The following GABRR2 variants were observed in gnomAD, a reference collection of about 807,000 sequenced individuals.
GABRR2 encodes gamma-aminobutyric acid type A receptor subunit rho2, also known as gamma-aminobutyric acid receptor subunit rho-2.
Under a neutral mutation model 47.0 loss-of-function variants are expected in GABRR2, and 36 were observed. The ratio of observed to expected loss-of-function variants is 0.77; its 90% CI spans 0.59 to 1.01. The LOEUF is 1.01. Ranked by LOEUF, GABRR2 falls within the 50% of genes least tolerant of loss-of-function variation. The pLI is 0.00. For synonymous variants in GABRR2, 204 were observed against 227.5 expected, an observed-to-expected ratio of 0.90 and a Z score of 0.93; for missense variants, 587 against 594.6, an observed-to-expected ratio of 0.99 and a Z score of 0.13.
intron 2 of GABRR2, among the ~76,000 whole-genome samples, chr6:89,295,607 G>T (rs56142157): frequency 6.6e-6 from 1 of 151,958 alleles, no homozygotes; most frequent in African/African-American, 2.4e-5. Flanking sequence ...AGTTTCTTTC[G>T]CTGTGCAGAA....
intron 1 of GABRR2, among the ~76,000 whole-genome samples, chr6:89,306,180 C>A (rs2127849770): frequency 6.6e-6 from 1 of 150,516 alleles, no homozygotes; most frequent in South Asian, 2.1e-4. Flanking sequence ...AGTTTGAGAC[C>A]AGCCTGGGCA....
intron 7 of GABRR2, 76 bp downstream of exon 7, chr6:89,265,537 G>T: frequency 6.7e-7 from 1 of 1,485,206 alleles, no homozygotes; most frequent in South Asian, 1.4e-5. Flanking sequence ...TCTAAGTAAT[G>T]ATTTTTACTT....
chr6:89,302,482 A>C, intron 1 of GABRR2: 1 of 656,608 alleles, frequency 1.5e-6, no homozygotes, highest in South Asian at 1.4e-5. Context: ...GAGCAGGATC[A>C]CTACCTCCTT....
intron 1 of GABRR2, chr6:89,303,050 C>T (rs1229951968): frequency 9.9e-7 from 1 of 1,007,872 alleles, no homozygotes; most frequent in Non-Finnish European, 1.5e-6. Flanking sequence ...GACTCCATGG[C>T]CCAGGAGGAG....
At chr6:89,267,514 C>G (rs1773926670) in intron 6 of GABRR2, among the ~76,000 whole-genome samples, 165 bp downstream of exon 6, 1 of 152,218 alleles carries the variant, frequency 6.6e-6, no homozygotes, top group African/African-American at 2.4e-5. Flanking sequence ...CTGCAGTGAA[C>G]CATGATTTCG....
At chr6:89,262,598 T>C (rs139121526) in intron 8 of GABRR2, among the ~76,000 whole-genome samples, 1 of 152,318 alleles carries the variant, frequency 6.6e-6, no homozygotes, top group East Asian at 1.9e-4. Flanking sequence ...TGGAAATACT[T>C]GATAGGTATA....
At chr6:89,294,748 G>A (rs554812451) in intron 2 of GABRR2, among the ~76,000 whole-genome samples, 5 of 150,124 alleles carry the variant, frequency 3.3e-5, no homozygotes, top group East Asian at 3.9e-4. Context: ...CCATTAGCTC[G>A]TCATTTACAT....
At chr6:89,270,361 C>G (rs1410843581) in intron 3 of GABRR2, 1 of 152,252 alleles carries the variant, frequency 6.6e-6, no homozygotes, top group Non-Finnish European at 1.5e-5. Flanking sequence ...GGTGGTTGCT[C>G]TGTGAGAGGC....
intron 1 of GABRR2, among the ~76,000 whole-genome samples, chr6:89,306,783 CAAAA>C (rs5878088): frequency 1.6e-5 from 2 of 123,416 alleles, no homozygotes; most frequent in East Asian, 2.3e-4. Flanking sequence ...TATTACTAAA[CAAAA>C]AAAAAGAGAG....
intron 2 of GABRR2, among the ~76,000 whole-genome samples, chr6:89,290,859 C>G: frequency 6.6e-6 from 1 of 152,154 alleles, no homozygotes; most frequent in East Asian, 1.9e-4. Context: ...AGCTACAGCT[C>G]TTTTCCAGGC....
At position 89,263,818 on chromosome 6, in the gene GABRR2, C is replaced by T. The variant is rs543698592; in HGVS notation, c.1086+594G>A. ...GATTATAGGCGTGAGCCACCACGCC[C>T]GGCAGATAGTATAGTATTTCCAATT... On this transcript the variant is annotated intron_variant, in intron 8 of 8. Transcript: ENST00000402938. Among the ~76,000 whole-genome samples the T allele has an allele frequency of 3.3e-5, 5 of 152,258 alleles. No individual in the cohort carries two copies. The South Asian group carries it at 8.3e-4, about 25-fold the overall frequency.
At chr6:89,266,968 G>T (rs1773911766) in intron 6 of GABRR2, among the ~76,000 whole-genome samples, 1 of 149,390 alleles carries the variant, frequency 6.7e-6, no homozygotes. Flanking sequence ...CCAGGGGCAT[G>T]TGTCACCATG....
At chr6:89,300,745 CAAAAA>C (rs56360515) in intron 1 of GABRR2, among the ~76,000 whole-genome samples, 2 of 76,384 alleles carry the variant, frequency 2.6e-5, no homozygotes, top group Non-Finnish European at 4.7e-5. Flanking sequence ...GCGTACCAAC[CAAAAA>C]AAAAAAAAAA....
intron 7 of GABRR2, among the ~76,000 whole-genome samples, chr6:89,265,006 G>A (rs1056328731): frequency 6.6e-6 from 1 of 152,100 alleles, no homozygotes; most frequent in Non-Finnish European, 1.5e-5. Flanking sequence ...TGCTTTAGTC[G>A]CTGTGGAAGA....
At chr6:89,305,885 A>G (rs1767550022) in intron 1 of GABRR2, among the ~76,000 whole-genome samples, 1 of 152,076 alleles carries the variant, frequency 6.6e-6, no homozygotes, top group African/African-American at 2.4e-5. Flanking sequence ...TCATCTGTAC[A>G]ACAAACCCCT....
rs1773600612 is a variant in GABRR2 at position 89,256,403 on chromosome 6, T to A, written c.*1267A>T. Among the ~76,000 whole-genome samples, 1 of 152,134 alleles carries A rather than the reference T, an allele frequency of 6.6e-6. No individual in the cohort carries two copies. The highest frequency in any genetic ancestry group is 1.5e-5 in the Non-Finnish European group (1 of 68,032). On this transcript the variant is annotated 3_prime_UTR_variant, in exon 9 of 9. Coordinates refer to ENST00000402938, the MANE Select transcript of GABRR2 (RefSeq NM_002043.5). ...CTCTTATTCTTAATTTGGACCCCAATGTACCTAGTGCAGAGATACTTTAAA... is the reference window on the plus strand; with the variant it reads ...CTCTTATTCTTAATTTGGACCCCAAAGTACCTAGTGCAGAGATACTTTAAA...
chr6:89,271,720 G>GA lies in GABRR2; in HGVS notation c.222_223insT (p.Pro75SerfsTer37). On this transcript the variant is annotated frameshift_variant and splice_region_variant, in exon 3 of 9. Transcript: ENST00000402938. LOFTEE classifies it high-confidence loss of function. ...ACGTCCACGCCCACCGGGATGGCAG[G>GA]GCCTGCAGAAGAGCAGAGACAGCTG... 1.2e-6 allele frequency: 2 copies of GA among 1,611,724 alleles called. No homozygotes were observed. Among genetic ancestry groups the GA allele is most frequent in the African/African-American group, 2.7e-5 (2 of 74,988 alleles).
chr6:89,272,757 T>C (rs1399746153), intron 2 of GABRR2, among the ~76,000 whole-genome samples: 2 of 152,114 alleles, frequency 1.3e-5, no homozygotes, highest in Non-Finnish European at 2.9e-5. Flanking sequence ...GGGAGAACCT[T>C]GGGGGGACTT....
At chr6:89,308,922 C>A (rs1040534399) in intron 1 of GABRR2, among the ~76,000 whole-genome samples, 2 of 152,190 alleles carry the variant, frequency 1.3e-5, no homozygotes, top group Non-Finnish European at 2.9e-5. Flanking sequence ...GGCTTCCAAC[C>A]TAGTCGGGGA....
Sources: gnomAD v4.1 joint callset for allele counts (sites outside exome capture counted in the v4.1 genomes callset) on GRCh38, gnomAD v4.1.1 for gene constraint, MANE v1.5 for transcripts, NCBI Gene and HGNC (gene_info 2026-07-23, HGNC 2026-07-21) for gene names.